Variants in WDR7 observed in about 807,000 individuals in gnomAD.
WDR7 encodes the protein WD repeat domain 7.
WDR7 carries 46 observed loss-of-function variants against 169.4 expected under a neutral mutation model. The ratio of observed to expected loss-of-function variants is 0.27; its 90% CI spans 0.21 to 0.35. The LOEUF is 0.35. WDR7 is among the 10% of genes least tolerant of loss of function. WDR7 has a pLI of 1.00. For synonymous variants in WDR7, 612 were observed against 666.8 expected, an observed-to-expected ratio of 0.92 and a Z score of 1.27; for missense variants, 1,534 against 1,859.3, an observed-to-expected ratio of 0.83 and a Z score of 3.22.
At chr18:56,905,850 C>A (rs189748342) in intron 21 of WDR7, among the ~76,000 whole-genome samples, 2 of 151,728 alleles carry the variant, frequency 1.3e-5, no homozygotes. Context: ...AAGTGGTACT[C>A]GGGGAAAAAA....
chr18:56,751,980 TC>T (rs1217550405), intron 14 of WDR7, among the ~76,000 whole-genome samples: 7 of 152,246 alleles, frequency 4.6e-5, no homozygotes, highest in Non-Finnish European at 1.0e-4. Flanking sequence ...GTGATCTTGC[TC>T]CCTTTAGCCA....
intron 17 of WDR7, among the ~76,000 whole-genome samples, chr18:56,778,448 G>A (rs2044270746): frequency 6.6e-6 from 1 of 152,020 alleles, no homozygotes; most frequent in African/African-American, 2.4e-5. Context: ...AGGAGGTAAT[G>A]GTAATTATCA....
rs570534971 is a variant in WDR7, at chr18:57,025,453, A to G, written c.4270-1551A>G. Among the ~76,000 whole-genome samples the G allele has an allele frequency of 4.6e-5, 7 of 152,254 alleles. No individual in the cohort carries two copies. In the South Asian group the frequency reaches 1.5e-3, roughly 32 times the overall value. ...TTTTATCTTCTGTGAAGTTTTTGGG[A>G]AAAGGAGAGAAGGAAGCAAAGAAAC... On this transcript the variant is annotated intron_variant, in intron 27 of 27. Coordinates refer to ENST00000254442, the MANE Select transcript of WDR7 (RefSeq NM_015285.3).
In WDR7 at chr18:56,819,259, A is replaced by G. The variant is rs149536889; in HGVS notation, c.3304+3115A>G. On this transcript the variant is annotated intron_variant, in intron 20 of 27. Transcript: ENST00000254442. Reference sequence around the variant, plus strand: ...GCTATGATCAATTGGAACTAATTAAATTTATTTGAAGCGAAGAATCTTAAC... The same window carrying G: ...GCTATGATCAATTGGAACTAATTAAGTTTATTTGAAGCGAAGAATCTTAAC... Among the ~76,000 whole-genome samples, 1,183 of 152,310 alleles carry G rather than the reference A, an allele frequency of 7.8e-3. 5 individuals are homozygous for G. The highest frequency in any genetic ancestry group is 0.013 in the Non-Finnish European group (885 of 67,992).
intron 26 of WDR7, among the ~76,000 whole-genome samples, chr18:56,973,556 C>T (rs2047522934): frequency 6.6e-6 from 1 of 151,836 alleles, no homozygotes; most frequent in Non-Finnish European, 1.5e-5. Flanking sequence ...TAGAAGAGTC[C>T]TAGTACATTG....
At chr18:56,948,798 G>A (rs561756717) in intron 25 of WDR7, among the ~76,000 whole-genome samples, 1 of 151,994 alleles carries the variant, frequency 6.6e-6, no homozygotes, top group Non-Finnish European at 1.5e-5. Context: ...TTCAGAGTGG[G>A]GTGTGCACTC....
intron 14 of WDR7, among the ~76,000 whole-genome samples, chr18:56,734,940 G>A (rs141343473): frequency 2.2e-4 from 34 of 152,256 alleles, no homozygotes; most frequent in African/African-American, 7.7e-4. Context: ...AATTTAGTAG[G>A]AAGTTAGTTT....
chr18:56,771,621 C>T (rs1278895146), intron 16 of WDR7, among the ~76,000 whole-genome samples: 1 of 144,092 alleles, frequency 6.9e-6, no homozygotes, highest in Non-Finnish European at 1.5e-5. Context: ...GTGGTTCATG[C>T]CTGTAATCCT....
chr18:56,869,602 TAC>T (rs529485782), intron 20 of WDR7, among the ~76,000 whole-genome samples: 2 of 152,204 alleles, frequency 1.3e-5, no homozygotes, highest in Non-Finnish European at 2.9e-5. Flanking sequence ...AGATTAGCTA[TAC>T]ACACAGTAGC....
At chr18:56,712,466 A>G (rs1045203114) in intron 12 of WDR7, among the ~76,000 whole-genome samples, 4 of 152,228 alleles carry the variant, frequency 2.6e-5, no homozygotes. Flanking sequence ...TAATTGACCT[A>G]AGAATATACT....
chr18:56,716,672 C>G (rs2026199059), intron 12 of WDR7, among the ~76,000 whole-genome samples: 1 of 152,150 alleles, frequency 6.6e-6, no homozygotes, highest in African/African-American at 2.4e-5. Context: ...ACAGAAAATT[C>G]AGTTCTGAGT....
intron 20 of WDR7, among the ~76,000 whole-genome samples, chr18:56,862,550 C>A (rs1273522378): frequency 6.6e-6 from 1 of 151,322 alleles, no homozygotes; most frequent in Non-Finnish European, 1.5e-5. Context: ...CTTTACATTT[C>A]AGTATAGTTG....
At chr18:56,995,021 G>A (rs2047878011) in intron 26 of WDR7, among the ~76,000 whole-genome samples, 2 of 151,944 alleles carry the variant, frequency 1.3e-5, no homozygotes, top group Admixed American at 6.6e-5. Flanking sequence ...GTTGCTCTTC[G>A]TATTTGTTGT....
chr18:56,742,843 C>T (rs533594178), intron 14 of WDR7, among the ~76,000 whole-genome samples: 138 of 152,136 alleles, frequency 9.1e-4, no homozygotes, highest in African/African-American at 3.1e-3. Context: ...GGAAATACCA[C>T]GTGCGGGGAG....
At chr18:56,718,957 T>C (rs2026255111) in intron 13 of WDR7, among the ~76,000 whole-genome samples, 1 of 152,260 alleles carries the variant, frequency 6.6e-6, no homozygotes, top group African/African-American at 2.4e-5. Flanking sequence ...ACGGGAGTTC[T>C]CTTAAGCCTT....
intron 14 of WDR7, among the ~76,000 whole-genome samples, chr18:56,736,083 C>T (rs541693849): frequency 5.4e-4 from 82 of 152,148 alleles, no homozygotes; most frequent in African/African-American, 1.9e-3. Flanking sequence ...ACTTGCTAGC[C>T]GTGGGTGACC....
At chr18:56,894,368 T>C (rs1242231770) in intron 21 of WDR7, among the ~76,000 whole-genome samples, 1 of 152,030 alleles carries the variant, frequency 6.6e-6, no homozygotes, top group Non-Finnish European at 1.5e-5. Context: ...TTTCTCCTAC[T>C]TTTCACCTTG....
intron 19 of WDR7, among the ~76,000 whole-genome samples, chr18:56,814,367 C>T (rs1220101603): frequency 6.6e-6 from 1 of 151,976 alleles, no homozygotes; most frequent in Non-Finnish European, 1.5e-5. Flanking sequence ...TCAGATATTT[C>T]AAAGATTTAT....
chr18:56,974,485 C>T (rs2047537926), intron 26 of WDR7, among the ~76,000 whole-genome samples: 1 of 151,480 alleles, frequency 6.6e-6, no homozygotes, highest in South Asian at 2.1e-4. Flanking sequence ...AAGTGATCCT[C>T]CCAAGTAGCT....
Sources: gnomAD v4.1 joint callset for allele counts (sites outside exome capture counted in the v4.1 genomes callset) on GRCh38, gnomAD v4.1.1 for gene constraint, MANE v1.5 for transcripts, NCBI Gene and HGNC (gene_info 2026-07-23, HGNC 2026-07-21) for gene names.